The following CATSPERE variants were observed in gnomAD, a reference collection of about 807,000 sequenced individuals.
CATSPERE encodes cation channel sperm-associated auxiliary subunit epsilon.
A neutral mutation model predicts 114.1 loss-of-function variants in CATSPERE; 93 were observed. The observed-to-expected ratio is 0.81, with a 90% confidence interval of 0.69 to 0.97. The LOEUF is 0.97. Ranked by LOEUF, CATSPERE falls within the 50% of genes least tolerant of loss-of-function variation. The probability of loss-of-function intolerance (pLI) is 0.00; values close to 1 mark genes in which losing one functional copy is unlikely to be tolerated. For synonymous variants in CATSPERE, 341 were observed against 384.1 expected, an observed-to-expected ratio of 0.89 and a Z score of 1.31; for missense variants, 1,058 against 1,131.6, an observed-to-expected ratio of 0.93 and a Z score of 0.93.
intron 2 of CATSPERE, among the ~76,000 whole-genome samples, chr1:244,472,840 G>C (rs1025716843): frequency 6.6e-6 from 1 of 151,938 alleles, no homozygotes; most frequent in Non-Finnish European, 1.5e-5. Flanking sequence ...CCATAGTTTT[G>C]CCTTTTCCAG....
At chr1:244,537,935 G>A (rs998068915) in intron 8 of CATSPERE, among the ~76,000 whole-genome samples, 1 of 152,210 alleles carries the variant, frequency 6.6e-6, no homozygotes, top group Non-Finnish European at 1.5e-5. Flanking sequence ...ATTAATGATA[G>A]AGAGGTGTTG....
intron 20 of CATSPERE, among the ~76,000 whole-genome samples, chr1:244,625,604 T>G (rs1421489342): frequency 2.1e-5 from 3 of 145,860 alleles, no homozygotes; most frequent in Non-Finnish European, 4.5e-5. Flanking sequence ...AATTTTTGTA[T>G]TTTTAGTAGA....
intron 2 of CATSPERE, among the ~76,000 whole-genome samples, chr1:244,468,546 A>C (rs1667976839): frequency 6.6e-6 from 1 of 152,244 alleles, no homozygotes; most frequent in South Asian, 2.1e-4. Context: ...TTTGATTATC[A>C]GCAAGAAAGG....
chr1:244,492,875 A>C (rs1223414707), intron 6 of CATSPERE, among the ~76,000 whole-genome samples: 1 of 149,244 alleles, frequency 6.7e-6, no homozygotes, highest in African/African-American at 2.5e-5. Context: ...ATACCTAGGA[A>C]TCCAACTTAC....
chr1:244,569,884 C>T (rs1016806730), intron 10 of CATSPERE, among the ~76,000 whole-genome samples: 1 of 152,098 alleles, frequency 6.6e-6, no homozygotes, highest in African/African-American at 2.4e-5. Context: ...TTTTTGATTA[C>T]TATATCCTTA....
chr1:244,621,100 ATAT>A (rs1427054616), intron 20 of CATSPERE, among the ~76,000 whole-genome samples: 28 of 70,844 alleles, frequency 4.0e-4, no homozygotes, highest in Admixed American at 1.1e-3. Context: ...TATAAAATAT[ATAT>A]AAATATATAT....
chr1:244,613,521 A>G (rs1183357814), intron 19 of CATSPERE, among the ~76,000 whole-genome samples: 4 of 152,182 alleles, frequency 2.6e-5, no homozygotes, highest in Non-Finnish European at 5.9e-5. Context: ...ATTATAGGAT[A>G]ATTCACCTAC....
chr1:244,624,128 A>ATTTTTTTTTTTT (rs58744339), intron 20 of CATSPERE, among the ~76,000 whole-genome samples: 10 of 125,938 alleles, frequency 7.9e-5, no homozygotes, highest in South Asian at 2.6e-4. Flanking sequence ...TGCCCAGCTA[A>ATTTTTTTTTTTT]TTTTTTTTTT....
At chr1:244,618,770 A>G (rs938918353) in intron 20 of CATSPERE, among the ~76,000 whole-genome samples, 4 of 152,116 alleles carry the variant, frequency 2.6e-5, no homozygotes, top group African/African-American at 9.7e-5. Context: ...AACAAGAGGG[A>G]AACTCCATCT....
intron 20 of CATSPERE, among the ~76,000 whole-genome samples, chr1:244,628,442 A>G (rs188993462): frequency 1.4e-3 from 209 of 152,334 alleles, no homozygotes; most frequent in African/African-American, 4.9e-3. Flanking sequence ...TAGGCTAACC[A>G]TATGGTGCTC....
At chr1:244,474,874 G>C (rs1253336356) in intron 2 of CATSPERE, among the ~76,000 whole-genome samples, 1 of 151,376 alleles carries the variant, frequency 6.6e-6, no homozygotes, top group Non-Finnish European at 1.5e-5. Flanking sequence ...CTCCCAAGTA[G>C]CTGGGACTAC....
intron 12 of CATSPERE, among the ~76,000 whole-genome samples, chr1:244,582,748 A>G (rs1374750945): frequency 6.6e-6 from 1 of 152,084 alleles, no homozygotes; most frequent in Non-Finnish European, 1.5e-5. Flanking sequence ...AGTGAGTTTG[A>G]CTACCTGCTC....
chr1:244,520,196 A>G (rs1436818191), intron 8 of CATSPERE, among the ~76,000 whole-genome samples: 1 of 147,640 alleles, frequency 6.8e-6, no homozygotes, highest in Non-Finnish European at 1.5e-5. Flanking sequence ...GTGCCGTATC[A>G]AGGAAACCAT....
intron 6 of CATSPERE, among the ~76,000 whole-genome samples, chr1:244,498,507 T>C (rs1456745309): frequency 6.6e-6 from 1 of 152,232 alleles, no homozygotes; most frequent in South Asian, 2.1e-4. Context: ...TCTATTGAAC[T>C]CTCATCAAGT....
Position 244,490,517 on chromosome 1 carries a change from A to G in CATSPERE, c.351+46A>G, listed in dbSNP as rs750018973. 9 of 1,107,596 alleles carry G rather than the reference A, an allele frequency of 8.1e-6. No homozygotes were observed. In the Admixed American group the frequency reaches 1.5e-4, roughly 18 times the overall value. 68.6% of individuals were successfully genotyped at this position (1,107,596 alleles called of 1,614,324 possible). A position where few individuals can be genotyped will look rare whatever the true frequency, so the allele number is the denominator to read the frequency against. ...TGTATAGCCTTCATATATCACTAGT[A>G]TATTGTTTCTCTCTTATCTTCCATA... On this transcript the variant is annotated intron_variant, in intron 6 of 21. Coordinates refer to ENST00000366534, the MANE Select transcript of CATSPERE (RefSeq NM_001130957.2).
chr1:244,633,826 G>A lies in CATSPERE; in HGVS notation c.2649-1663G>A, dbSNP rs777011291. 8.6e-5 allele frequency among the ~76,000 whole-genome samples: 13 copies of A among 151,050 alleles called. No homozygotes were observed. Among genetic ancestry groups the A allele is most frequent in the East Asian group, 1.9e-4 (1 of 5,162 alleles). On this transcript the variant is annotated intron_variant, in intron 20 of 21. Coordinates refer to ENST00000366534, the MANE Select transcript of CATSPERE (RefSeq NM_001130957.2). The surrounding 1 kb of genome is among the most constrained non-coding windows in gnomAD (Gnocchi z 4.1). ...AGGACTCAACACAAGCCTCTTTGCC[G>A]TGCTGTGAAAATTCCTGTGACAGGT...
chr1:244,584,224 G>A (rs4388691), intron 13 of CATSPERE, among the ~76,000 whole-genome samples: 28,549 of 152,124 alleles, frequency 0.19, 3,899 homozygotes, highest in East Asian at 0.4. Context: ...GTGTCAGTCT[G>A]TGTGCTCGGT....
intron 1 of CATSPERE, 119 bp downstream of exon 1, chr1:244,461,613 G>C: frequency 1.3e-6 from 1 of 755,448 alleles, no homozygotes; most frequent in Non-Finnish European, 1.8e-6. Flanking sequence ...GCCGACCACT[G>C]CCTCGTCTCC....
rs762635411 is a variant in CATSPERE, at chr1:244,572,385, G to T, written c.1563G>T (p.Lys521Asn). 6.5e-7 allele frequency: 1 copy of T among 1,539,746 alleles called. No homozygotes were observed. The highest frequency in any genetic ancestry group is 9.0e-7 in the Non-Finnish European group (1 of 1,115,266). The change falls in exon 11 of 22, where the codon AAG becomes AAT. Residue 521 changes from lysine (K) to asparagine (N), a missense_variant. Physicochemically the swap from Lys to Asn is moderately conservative, Grantham distance 94. Around this residue, in one of 2 missense-constraint regions of CATSPERE, gnomAD observed 787 missense variants for 905.6 expected, o/e 0.87. Transcript: ENST00000366534. ...KMENNVIFYSKINTRDAVKLH... is the reference protein window; with the variant it reads ...KMENNVIFYSNINTRDAVKLH... ...AAAATAATGTAATATTTTATTCCAA[G>T]ATTAATACTAGAGATGCAGTAAAGC...
Sources: allele counts gnomAD v4.1 joint callset (sites outside exome capture counted in the v4.1 genomes callset), GRCh38; gene constraint gnomAD v4.1.1; regional missense constraint gnomAD v4.1.1; non-coding constraint Gnocchi (gnomAD v3.1); transcripts MANE v1.5; gene names NCBI Gene and HGNC (gene_info 2026-07-23, HGNC 2026-07-21).